Variants in SEMA3D observed in about 807,000 individuals in gnomAD.
The protein encoded by SEMA3D is semaphorin-3D.
A neutral mutation model predicts 100.1 loss-of-function variants in SEMA3D; 84 were observed. The ratio of observed to expected loss-of-function variants is 0.84; its 90% CI spans 0.70 to 1.01. The LOEUF is 1.01. Ranked by LOEUF, SEMA3D falls within the 50% of genes least tolerant of loss-of-function variation. The pLI, the probability that SEMA3D is intolerant of heterozygous loss-of-function variation, is 0.00. For missense variants in SEMA3D, 875 were observed against 934.1 expected, an observed-to-expected ratio of 0.94 and a Z score of 0.82; for synonymous variants, 312 against 320.7, an observed-to-expected ratio of 0.97 and a Z score of 0.29.
intron 2 of SEMA3D, chr7:85,151,801 C>T: frequency 1.3e-6 from 1 of 790,284 alleles, no homozygotes; most frequent in Non-Finnish European, 1.5e-6. Context: ...ATTTTAAATT[C>T]CTATTTTAAA....
At chr7:84,999,903 C>T (rs1789610887) in intron 18 of SEMA3D, 38 bp from the exon 19 acceptor site, 8 of 1,554,956 alleles carry the variant, frequency 5.1e-6, no homozygotes, top group Non-Finnish European at 6.2e-6. Context: ...AAATTAAACA[C>T]AGAGAGAGCT....
At chr7:85,141,025 T>C in intron 2 of SEMA3D, 1 of 717,146 alleles carries the variant, frequency 1.4e-6, no homozygotes, top group Non-Finnish European at 1.7e-6. Context: ...AAACTACTAA[T>C]GAGTTAATTG....
chr7:85,083,957 C>G (rs1788142212), intron 4 of SEMA3D, among the ~76,000 whole-genome samples: 1 of 150,736 alleles, frequency 6.6e-6, no homozygotes, highest in Admixed American at 6.6e-5. Context: ...ACGATCCTGG[C>G]CAACACAGTG....
rs775160821 is a variant in SEMA3D, at chr7:85,022,452, C to A, written c.1353G>T (p.Gln451His). ...CTGCAATGACATGATCCACCACTAT[C>A]TGTGTCAGTCTGTAATCCACATTGA... ...KRINVDYRLT[Q>H]IVVDHVIAED... Residue 451 changes from glutamine (Q) to histidine (H), a missense_variant, in exon 13 of 19, where the codon CAG becomes CAT. Coordinates refer to ENST00000284136, the MANE Select transcript of SEMA3D (RefSeq NM_001384900.1). 6.2e-7 allele frequency: 1 copy of A among 1,612,552 alleles called. No individual in the cohort carries two copies. The highest frequency in any genetic ancestry group is 8.5e-7 in the Non-Finnish European group (1 of 1,178,950).
At chr7:85,168,431 C>T (rs1002685319) in intron 1 of SEMA3D, among the ~76,000 whole-genome samples, 7 of 151,690 alleles carry the variant, frequency 4.6e-5, no homozygotes, top group African/African-American at 1.7e-4. Flanking sequence ...TAAATGTCAA[C>T]AATTCTGGCA....
intron 1 of SEMA3D, among the ~76,000 whole-genome samples, chr7:85,158,644 C>G (rs1232021261): frequency 1.3e-5 from 2 of 152,176 alleles, no homozygotes; most frequent in African/African-American, 4.8e-5. Context: ...CATGTGATCT[C>G]TGTGACTCAC....
intron 1 of SEMA3D, among the ~76,000 whole-genome samples, chr7:85,167,818 C>T (rs1790951482): frequency 6.6e-6 from 1 of 151,772 alleles, no homozygotes; most frequent in African/African-American, 2.4e-5. Context: ...ATGATGAATA[C>T]ATTGGGAAAT....
Position 85,006,919 on chromosome 7 carries a change from A to T in SEMA3D, c.1791T>A (p.Asp597Glu). 6.2e-7 allele frequency: 1 copy of T among 1,610,514 alleles called. No individual in the cohort carries two copies. The highest frequency in any genetic ancestry group is 8.5e-7 in the Non-Finnish European group (1 of 1,177,868). Residue 597 changes from aspartate to glutamate, a missense_variant, in exon 18 of 19, where the codon GAT becomes GAA. Physicochemically the swap from Asp to Glu is conservative, Grantham distance 45. Transcript: ENST00000284136. ...IEDSISHETA[D>E]EKVIFGIEFN... is the part of the protein sequence containing the mutation. The stretch of plus-strand genomic sequence containing the variant: ...ATTCAATGCCAAAAATCACCTTTTC[A>T]TCAGCAGTTTCATGACTAATGCCTG...
chr7:85,041,887 G>C (rs1476345763), intron 10 of SEMA3D: 4 of 337,544 alleles, frequency 1.2e-5, no homozygotes, highest in Non-Finnish European at 2.1e-5. Context: ...GAGAATGGAT[G>C]AACTGTGTAG....
At position 85,148,351 on chromosome 7, in the gene SEMA3D, C is replaced by A. The variant is rs147407706; in HGVS notation, c.-41+5257G>T. 8.9e-3 allele frequency among the ~76,000 whole-genome samples: 1,356 copies of A among 152,136 alleles called. 8 individuals carry two copies. The highest frequency in any genetic ancestry group is 0.016 in the Non-Finnish European group (1,072 of 68,004). ...GTTTTAGTGTTCTGTTTTGAGCTTT[C>A]AGTGTGGACACTGATGGCACTCACA... On this transcript the variant is annotated intron_variant, in intron 2 of 18. Transcript: ENST00000284136.
At chr7:85,018,103 G>A (rs1790154262) in intron 15 of SEMA3D, 149 bp downstream of exon 15, 3 of 640,190 alleles carry the variant, frequency 4.7e-6, no homozygotes, top group South Asian at 3.5e-5. Context: ...CTGAAACAAT[G>A]GTCTCTAATG....
chr7:85,063,738 G>C (rs1409680165), intron 8 of SEMA3D, among the ~76,000 whole-genome samples: 16 of 151,808 alleles, frequency 1.1e-4, no homozygotes, highest in Admixed American at 1.1e-3. Flanking sequence ...TATTGTTTTT[G>C]TAAGTTACCT....
chr7:85,145,001 T>C (rs1220560438), intron 2 of SEMA3D, among the ~76,000 whole-genome samples: 2 of 152,092 alleles, frequency 1.3e-5, no homozygotes, highest in African/African-American at 4.8e-5. Flanking sequence ...TATTTGTTTA[T>C]AAAGCACGGA....
At chr7:85,061,187 G>A (rs915140156) in intron 8 of SEMA3D, among the ~76,000 whole-genome samples, 16 of 152,060 alleles carry the variant, frequency 1.1e-4, no homozygotes, top group African/African-American at 3.9e-4. Context: ...CCTCAAAGAT[G>A]AAAAAATTTC....
At chr7:85,026,722 G>C (rs1291069873) in intron 12 of SEMA3D, among the ~76,000 whole-genome samples, 1 of 151,886 alleles carries the variant, frequency 6.6e-6, no homozygotes, top group Non-Finnish European at 1.5e-5. Flanking sequence ...GATCAGCATA[G>C]TTTACAATTA....
chr7:85,082,772 A>G (rs1258276134), intron 4 of SEMA3D, among the ~76,000 whole-genome samples: 1 of 152,224 alleles, frequency 6.6e-6, no homozygotes, highest in Non-Finnish European at 1.5e-5. Flanking sequence ...ATAGACAAAT[A>G]CAATGAAATT....
intron 5 of SEMA3D, among the ~76,000 whole-genome samples, chr7:85,077,442 G>A (rs142593970): frequency 6.6e-6 from 1 of 151,794 alleles, no homozygotes; most frequent in African/African-American, 2.4e-5. Context: ...ACGTGTGTGT[G>A]TATATATATT....
chr7:85,190,743 G>C (rs1369753512), upstream of SEMA3D, among the ~76,000 whole-genome samples: 1 of 152,054 alleles, frequency 6.6e-6, no homozygotes, highest in Non-Finnish European at 1.5e-5. Flanking sequence ...ATCAGATAAA[G>C]ACAGAAAACA....
At chr7:85,099,715 G>T (rs940958530) in intron 3 of SEMA3D, among the ~76,000 whole-genome samples, 3 of 151,770 alleles carry the variant, frequency 2.0e-5, no homozygotes, top group African/African-American at 7.3e-5. Flanking sequence ...TTTCGATTTT[G>T]GCCATTCCAA....
Sources: gnomAD v4.1 joint callset for allele counts (sites outside exome capture counted in the v4.1 genomes callset) on GRCh38, gnomAD v4.1.1 for gene constraint, MANE v1.5 for transcripts, NCBI Gene and HGNC (gene_info 2026-07-23, HGNC 2026-07-21) for gene names.